The following GSDMC variants were observed in gnomAD, a reference collection of about 807,000 sequenced individuals.
The protein encoded by GSDMC is gasdermin C, also known as gasdermin-C.
Under a neutral mutation model 58.0 loss-of-function variants are expected in GSDMC, and 59 were observed. The observed-to-expected ratio is 1.02, with a 90% CI of 0.82 to 1.26. The LOEUF (loss-of-function observed/expected upper bound fraction) is 1.26. Among genes scored for constraint, GSDMC ranks in the 50% most tolerant of loss-of-function variants. GSDMC has a pLI of 0.00. For synonymous variants in GSDMC, 241 were observed against 220.2 expected, an observed-to-expected ratio of 1.09 and a Z score of -0.83; for missense variants, 659 against 598.5, an observed-to-expected ratio of 1.10 and a Z score of -1.06.
At chr8:129,731,834 A>G in the GSDMC span, among the ~76,000 whole-genome samples, 76 of 152,358 alleles carry the variant, frequency 5.0e-4, no homozygotes, top group African/African-American at 1.7e-3. Flanking sequence ...AAAAAAATAT[A>G]TGACCAAATA....
chr8:129,740,359 C>T, the GSDMC span, among the ~76,000 whole-genome samples: 2 of 152,184 alleles, frequency 1.3e-5, no homozygotes, highest in Non-Finnish European at 2.9e-5. Flanking sequence ...CACTGACTCA[C>T]TCAGAGCAAC....
intron 6 of GSDMC, among the ~76,000 whole-genome samples, chr8:129,756,966 T>TA (rs1422635026): frequency 1.3e-5 from 2 of 151,494 alleles, no homozygotes; most frequent in African/African-American, 2.4e-5. Context: ...AAAAACTTCA[T>TA]AAAAAACTAC....
At chr8:129,785,103 T>C (rs2034521391) in intron 1 of GSDMC, among the ~76,000 whole-genome samples, 2 of 151,906 alleles carry the variant, frequency 1.3e-5, no homozygotes, top group South Asian at 4.2e-4. Flanking sequence ...CCCAGCTACT[T>C]GGGAGGCTGA....
At chr8:129,738,947 A>G in the GSDMC span, among the ~76,000 whole-genome samples, 1 of 152,244 alleles carries the variant, frequency 6.6e-6, no homozygotes, top group Non-Finnish European at 1.5e-5. Context: ...AACCTTTATC[A>G]ATAGACTGGA....
chr8:129,713,777 G>T, the GSDMC span, among the ~76,000 whole-genome samples: 2 of 152,110 alleles, frequency 1.3e-5, no homozygotes, highest in African/African-American at 4.8e-5. Flanking sequence ...TAAGGAGTGA[G>T]CGGCCAGGCA....
chr8:129,753,008 C>T, intron 6 of GSDMC, 188 bp from the exon 7 acceptor site: 1 of 1,068,694 alleles, frequency 9.4e-7, no homozygotes, highest in African/African-American at 1.6e-5. Context: ...CTTGGCAAGC[C>T]TTGCAAATGC....
chr8:129,719,146 A>G, the GSDMC span, among the ~76,000 whole-genome samples: 1 of 152,208 alleles, frequency 6.6e-6, no homozygotes, highest in African/African-American at 2.4e-5. Flanking sequence ...ACAAACCTGC[A>G]TGTTCTGCAC....
chr8:129,743,312 A>G (rs2032902831), downstream of GSDMC, among the ~76,000 whole-genome samples: 1 of 152,106 alleles, frequency 6.6e-6, no homozygotes, highest in African/African-American at 2.4e-5. Flanking sequence ...TTCTATTACT[A>G]TATCTTAAAT....
At chr8:129,750,678 C>T in intron 10 of GSDMC, 108 bp from the exon 11 acceptor site, 5 of 1,082,286 alleles carry the variant, frequency 4.6e-6, no homozygotes, top group Middle Eastern at 2.1e-4. Flanking sequence ...TCCTCTATCC[C>T]TTTCAGCTGC....
chr8:129,733,323 T>C, the GSDMC span, among the ~76,000 whole-genome samples: 1 of 152,228 alleles, frequency 6.6e-6, no homozygotes, highest in Non-Finnish European at 1.5e-5. Flanking sequence ...TCTCCCGGCA[T>C]GGTGCATGAG....
intron 1 of GSDMC, among the ~76,000 whole-genome samples, chr8:129,779,507 T>C (rs930711889): frequency 2.0e-5 from 3 of 151,946 alleles, no homozygotes; most frequent in Non-Finnish European, 4.4e-5. Flanking sequence ...TAACGAATGG[T>C]TACTAGGCTT....
chr8:129,764,282 C>G (rs895309433), intron 4 of GSDMC, among the ~76,000 whole-genome samples: 3 of 152,074 alleles, frequency 2.0e-5, no homozygotes, highest in Admixed American at 1.3e-4. Flanking sequence ...GGCAACCAGG[C>G]AGGGATTAAA....
intron 3 of GSDMC, among the ~76,000 whole-genome samples, chr8:129,768,423 G>A (rs796980113): frequency 2.6e-5 from 4 of 152,100 alleles, no homozygotes; most frequent in African/African-American, 9.7e-5. Context: ...AACTGACAAA[G>A]AATTCAGAAG....
the GSDMC span, among the ~76,000 whole-genome samples, chr8:129,737,975 A>C: frequency 7.9e-4 from 120 of 152,338 alleles, no homozygotes; most frequent in Non-Finnish European, 1.5e-3. Context: ...AGAAAAAAAC[A>C]AACAACCCCA....
At chr8:129,753,115 A>G (rs1586579425) in intron 6 of GSDMC, among the ~76,000 whole-genome samples, 1 of 152,246 alleles carries the variant, frequency 6.6e-6, no homozygotes, top group African/African-American at 2.4e-5. Context: ...AGCTAGGCTC[A>G]GAGCCAGAGG....
rs2033833045 is a variant in GSDMC, at chr8:129,765,718, C to A, written c.480G>T (p.Glu160Asp). ...CAGTATTGTTGATCAGTTCAACAGCCTCTGTCACCACGTACAGGTTGTCCC... is the reference window on the plus strand; with the variant it reads ...CAGTATTGTTGATCAGTTCAACAGCATCTGTCACCACGTACAGGTTGTCCC... ...RRGDNLYVVT[E>D]AVELINNTVL... is the part of the protein sequence containing the mutation. The change falls in exon 4 of 14, where the codon GAG becomes GAT. Residue 160 changes from glutamate to aspartate, a missense_variant. By Grantham distance (45) the Glu-to-Asp change is conservative. Transcript: ENST00000276708. The A allele has an allele frequency of 6.2e-7, 1 of 1,611,572 alleles. No individual in the cohort carries two copies. Among genetic ancestry groups the A allele is most frequent in the Non-Finnish European group, 8.5e-7 (1 of 1,177,636 alleles).
At chr8:129,751,372 T>G (rs1276222881) in intron 10 of GSDMC, among the ~76,000 whole-genome samples, 170 bp downstream of exon 10, 1 of 152,142 alleles carries the variant, frequency 6.6e-6, no homozygotes, top group Non-Finnish European at 1.5e-5. Context: ...AGGTTCAAAA[T>G]AATTCTTGTT....
rs746100715 is a variant in GSDMC, at chr8:129,762,606, C to T, written c.676+20G>A. On this transcript the variant is annotated intron_variant, in intron 5 of 13. Coordinates refer to ENST00000276708, the MANE Select transcript of GSDMC (RefSeq NM_031415.3). ...ACCCCCTCCACTGCCATCTGCCTTGCTGAGCTCCGCTGCTCCCACCTTTCT... is the reference window on the plus strand; with the variant it reads ...ACCCCCTCCACTGCCATCTGCCTTGTTGAGCTCCGCTGCTCCCACCTTTCT... The T allele has an allele frequency of 1.3e-6, 2 of 1,491,396 alleles. No individual in the cohort carries two copies. Among genetic ancestry groups the T allele is most frequent in the Non-Finnish European group, 9.4e-7 (1 of 1,067,400 alleles). 92.4% of individuals were successfully genotyped at this position (1,491,396 alleles called of 1,614,324 possible). A position where few individuals can be genotyped will look rare whatever the true frequency, so the allele number is the denominator to read the frequency against.
At chr8:129,744,048 C>T (rs558274602), downstream of GSDMC, among the ~76,000 whole-genome samples, 401 of 152,148 alleles carry the variant, frequency 2.6e-3, no homozygotes, top group Non-Finnish European at 4.7e-3. Context: ...CTGGATAATA[C>T]TCCCTCTTTC....
Sources: gnomAD v4.1 joint callset for allele counts (sites outside exome capture counted in the v4.1 genomes callset) on GRCh38, gnomAD v4.1.1 for gene constraint, MANE v1.5 for transcripts, NCBI Gene and HGNC (gene_info 2026-07-23, HGNC 2026-07-21) for gene names.